Variants in ADAMTSL2 observed in about 807,000 individuals in gnomAD.
ADAMTSL2 encodes the protein ADAMTS like 2, also known as ADAMTS-like protein 2.
A neutral mutation model predicts 117.0 loss-of-function variants in ADAMTSL2; 55 were observed. The observed-to-expected ratio is 0.47, with a 90% CI of 0.38 to 0.59. The LOEUF is 0.59. Ranked by LOEUF, ADAMTSL2 falls within the 20% of genes least tolerant of loss-of-function variation. ADAMTSL2 has a pLI of 0.00. For synonymous variants in ADAMTSL2, 572 were observed against 566.4 expected (o/e 1.01, Z -0.14); for missense variants, 1,182 against 1,354.5 (o/e 0.87, Z 2.00).
chr9:133,536,464 G>A (rs1007607833), intron 1 of ADAMTSL2, 99 bp from the exon 2 acceptor site: 14 of 1,458,004 alleles, frequency 9.6e-6, no homozygotes, highest in Non-Finnish European at 1.2e-5. Context: ...CACGCACACC[G>A]CCGCTGGGTG....
chr9:133,543,030 C>T (rs1830262095), intron 7 of ADAMTSL2, among the ~76,000 whole-genome samples: 1 of 151,942 alleles, frequency 6.6e-6, no homozygotes, highest in Admixed American at 6.6e-5. Flanking sequence ...CTTTCTGCAA[C>T]CTCCGCCTTC....
chr9:133,575,058 C>A lies in ADAMTSL2; in HGVS notation c.*194C>A. 3.3e-6 allele frequency: 2 copies of A among 600,884 alleles called. No individual in the cohort carries two copies. Among genetic ancestry groups the A allele is most frequent in the Non-Finnish European group, 5.9e-6 (2 of 336,436 alleles). The allele number at this position is 600,884 out of a possible 1,614,324, so 37.2% of individuals were successfully genotyped here. A position where few individuals can be genotyped will look rare whatever the true frequency, so the allele number is the denominator to read the frequency against. ...TGCTCCTGGGGCAGAGCCTCCGGCACCCAGTGGCCTCCCCCAGACAGAGCC... is the reference window on the plus strand; with the variant it reads ...TGCTCCTGGGGCAGAGCCTCCGGCAACCAGTGGCCTCCCCCAGACAGAGCC... On this transcript the variant is annotated 3_prime_UTR_variant, in exon 19 of 19. Transcript: ENST00000651351.
At chr9:133,573,163 G>T (rs1347020863) in intron 17 of ADAMTSL2, among the ~76,000 whole-genome samples, 2 of 152,246 alleles carry the variant, frequency 1.3e-5, no homozygotes, top group Non-Finnish European at 2.9e-5. Context: ...TCAGGTCCCA[G>T]ACGTGCCTGG....
At chr9:133,568,791 C>T (rs1463896456) in intron 15 of ADAMTSL2, 33 bp downstream of exon 15, 17 of 1,612,352 alleles carry the variant, frequency 1.1e-5, no homozygotes, top group Admixed American at 5.0e-5. Flanking sequence ...GCTGGGCGTG[C>T]GGCTGGTGAG....
In ADAMTSL2 at chr9:133,534,904, T is replaced by G; in HGVS notation, c.-164T>G. 1 of 1,417,636 alleles carries G rather than the reference T, an allele frequency of 7.1e-7. No individual in the cohort carries two copies. The highest frequency in any genetic ancestry group is 9.3e-7 in the Non-Finnish European group (1 of 1,079,406). 87.8% of individuals were successfully genotyped at this position (1,417,636 alleles called of 1,614,324 possible). The stretch of plus-strand genomic sequence containing the variant: ...CCCTTTCTCTGGGAGGACAACCTGC[T>G]GACCCGAAGCCAGGTAGGCCACCTC... On this transcript the variant is annotated 5_prime_UTR_variant, in exon 1 of 19. Transcript: ENST00000651351.
In ADAMTSL2 at chr9:133,537,552, G is replaced by A. The variant is rs752894180; in HGVS notation, c.233+5G>A. On this transcript the variant is annotated splice_donor_5th_base_variant and intron_variant, in intron 3 of 18. Coordinates refer to ENST00000651351, the MANE Select transcript of ADAMTSL2 (RefSeq NM_014694.4). ...GCGGCACTGCCTGCAGCAGAGGTGC[G>A]AGGTTGGGCACGTGGCCCTGAGGGG... The A allele has an allele frequency of 2.2e-6, 3 of 1,345,240 alleles. No individual in the cohort carries two copies. The highest frequency in any genetic ancestry group is 1.5e-5 in the African/African-American group (1 of 66,700). 83.3% of individuals were successfully genotyped at this position (1,345,240 alleles called of 1,614,324 possible).
chr9:133,554,187 C>T lies in ADAMTSL2; in HGVS notation c.940-170C>T, dbSNP rs947688035. On this transcript the variant is annotated intron_variant, in intron 9 of 18. Coordinates refer to ENST00000651351, the MANE Select transcript of ADAMTSL2 (RefSeq NM_014694.4). This position sits in a 1 kb window ranked among gnomAD's most constrained non-coding sequence, Gnocchi z 5.2. ...TCCCAGGCTCTTTGACTTGGATGCC[C>T]CTGGGGCAGGAGCACTGCGTTGGGC... is the stretch of plus-strand genomic sequence containing the variant. Among the ~76,000 whole-genome samples, 1 of 152,238 alleles carries T rather than the reference C, an allele frequency of 6.6e-6. No individual in the cohort carries two copies. Among genetic ancestry groups the T allele is most frequent in the African/African-American group, 2.4e-5 (1 of 41,464 alleles).
intron 9 of ADAMTSL2, among the ~76,000 whole-genome samples, chr9:133,551,490 G>C (rs1164864927): frequency 6.6e-6 from 1 of 152,208 alleles, no homozygotes; most frequent in South Asian, 2.1e-4. Context: ...TCGTGTTGGA[G>C]GCAGCTCTGG....
chr9:133,571,846 C>T lies in ADAMTSL2; in HGVS notation c.2592+1339C>T, dbSNP rs972790742. Among the ~76,000 whole-genome samples the T allele has an allele frequency of 9.2e-5, 14 of 152,174 alleles. 1 individual carries two copies. Among genetic ancestry groups the T allele is most frequent in the Admixed American group, 9.2e-4 (14 of 15,288 alleles). On this transcript the variant is annotated intron_variant, in intron 17 of 18. Coordinates refer to ENST00000651351, the MANE Select transcript of ADAMTSL2 (RefSeq NM_014694.4). ...CCTGGGGTCTCCAGCTACCTCTGCC[C>T]TCAGTTTCCTGATGGGCCAACTCTG...
At chr9:133,537,644 C>T (rs1267185265) in intron 3 of ADAMTSL2, 97 bp downstream of exon 3, 16 of 1,239,622 alleles carry the variant, frequency 1.3e-5, no homozygotes, top group Non-Finnish European at 1.5e-5. Flanking sequence ...GCTTCTCCCC[C>T]TGGGAGGGCT....
chr9:133,568,046 C>T (rs1831015918), intron 13 of ADAMTSL2, among the ~76,000 whole-genome samples: 2 of 152,248 alleles, frequency 1.3e-5, no homozygotes, highest in East Asian at 3.9e-4. Context: ...GCTCAGGGCA[C>T]CCGCCAACCA....
chr9:133,569,702 G>A, intron 16 of ADAMTSL2, 124 bp downstream of exon 16: 3 of 995,748 alleles, frequency 3.0e-6, no homozygotes, highest in Non-Finnish European at 4.5e-6. Flanking sequence ...AATTATGAAG[G>A]GACAATTCCC....
chr9:133,547,767 A>G (rs1159685772), intron 9 of ADAMTSL2, among the ~76,000 whole-genome samples: 4 of 152,050 alleles, frequency 2.6e-5, no homozygotes, highest in Non-Finnish European at 5.9e-5. Context: ...GCCAGGGCCC[A>G]AGGTAGTTCC....
chr9:133,552,794 C>T lies in ADAMTSL2; in HGVS notation c.940-1563C>T, dbSNP rs960296640. On this transcript the variant is annotated intron_variant, in intron 9 of 18. Coordinates refer to ENST00000651351, the MANE Select transcript of ADAMTSL2 (RefSeq NM_014694.4). Reference sequence around the variant, plus strand: ...GGGGGCTGAACTATCGAGTTAAATGCGGGATGTGATGGGCTGGCTACATCT... The same window carrying T: ...GGGGGCTGAACTATCGAGTTAAATGTGGGATGTGATGGGCTGGCTACATCT... 8.5e-4 allele frequency among the ~76,000 whole-genome samples: 130 copies of T among 152,246 alleles called. 1 individual carries two copies. Among genetic ancestry groups the T allele is most frequent in the African/African-American group, 2.7e-3 (113 of 41,540 alleles).
At chr9:133,569,672 A>T in intron 16 of ADAMTSL2, 94 bp downstream of exon 16, 4 of 1,270,754 alleles carry the variant, frequency 3.1e-6, no homozygotes, top group Non-Finnish European at 4.4e-6. Context: ...CAGATGGGTG[A>T]AAAAGAGGAA....
At chr9:133,534,649 T>A (rs573301887), upstream of ADAMTSL2, 146 of 1,315,778 alleles carry the variant, frequency 1.1e-4, 2 homozygotes, top group South Asian at 2.1e-3. Context: ...GAAGTGTGAG[T>A]GTTCCTCCCC....
chr9:133,548,646 A>G (rs943921342), intron 9 of ADAMTSL2, among the ~76,000 whole-genome samples: 7 of 152,228 alleles, frequency 4.6e-5, no homozygotes, highest in African/African-American at 1.7e-4. Context: ...GGGTCGCATT[A>G]TCTCAAGTTG....
intron 12 of ADAMTSL2, among the ~76,000 whole-genome samples, chr9:133,564,385 G>A (rs969767119): frequency 0.037 from 155 of 4,242 alleles, no homozygotes; most frequent in East Asian, 0.083. Flanking sequence ...GGAGAGAGAG[G>A]GAGAGAGAGA....
chr9:133,563,299 G>A (rs919158022), intron 12 of ADAMTSL2, among the ~76,000 whole-genome samples: 14 of 152,332 alleles, frequency 9.2e-5, no homozygotes, highest in Non-Finnish European at 2.1e-4. Context: ...CCTGCCTTCC[G>A]GGCAGACCCC....
Sources: gnomAD v4.1 joint callset for allele counts (sites outside exome capture counted in the v4.1 genomes callset) on GRCh38, gnomAD v4.1.1 for gene constraint, Gnocchi (gnomAD v3.1) non-coding constraint, MANE v1.5 for transcripts, NCBI Gene and HGNC (gene_info 2026-07-23, HGNC 2026-07-21) for gene names.